Variants in MAGI1 observed in about 807,000 individuals in gnomAD.
MAGI1 encodes the protein membrane associated guanylate kinase, WW and PDZ domain containing 1.
In MAGI1, 58 loss-of-function variants were observed where a neutral mutation model predicts 139.9. That is an observed-to-expected ratio of 0.41 (90% CI 0.34 to 0.52). MAGI1 has a LOEUF of 0.52. MAGI1 is among the 20% of genes least tolerant of loss of function. The pLI, the probability that MAGI1 is intolerant of heterozygous loss-of-function variation, is 0.12. For synonymous variants in MAGI1, 812 were observed against 737.9 expected (o/e 1.10, Z -1.63); for missense variants, 1,874 against 1,901.6 (o/e 0.99, Z 0.27).
intron 1 of MAGI1, among the ~76,000 whole-genome samples, chr3:65,730,416 A>C (rs903598137): frequency 6.6e-6 from 1 of 152,216 alleles, no homozygotes; most frequent in Non-Finnish European, 1.5e-5. Flanking sequence ...AGCAGGAAGC[A>C]GGAGACAGGG....
chr3:65,714,053 C>CT (rs2031876057), intron 1 of MAGI1, among the ~76,000 whole-genome samples: 1 of 152,198 alleles, frequency 6.6e-6, no homozygotes, highest in Non-Finnish European at 1.5e-5. Flanking sequence ...TGCTTGAACT[C>CT]TTTAAGTCTT....
At chr3:65,446,580 C>T (rs992416798) in intron 7 of MAGI1, among the ~76,000 whole-genome samples, 1 of 152,168 alleles carries the variant, frequency 6.6e-6, no homozygotes, top group Admixed American at 6.5e-5. Flanking sequence ...CACTGGCTGC[C>T]AGCAGACAGC....
Position 65,363,483 on chromosome 3 carries a change from C to T in MAGI1, c.3477G>A (p.Glu1159=), listed in dbSNP as rs758804981. Residue 1159 remains glutamate, a synonymous_variant, in exon 21 of 23, where the codon GAG becomes GAA. Transcript: ENST00000402939. ...VLRLAEDGPA[E]RCGKMRIGDE... ...CACTTACCCTCATCTTTCCACACCT[C>T]TCCGCAGGACCGTCCTCTGCTAAGC... The T allele has an allele frequency of 2.5e-6, 4 of 1,612,270 alleles. No homozygotes were observed. The highest frequency in any genetic ancestry group is 3.4e-6 in the Non-Finnish European group (4 of 1,179,214).
chr3:65,756,724 T>C (rs1293719948), intron 1 of MAGI1, among the ~76,000 whole-genome samples: 1 of 152,160 alleles, frequency 6.6e-6, no homozygotes, highest in Non-Finnish European at 1.5e-5. Flanking sequence ...CCAGATGACA[T>C]ATTCGGAAGT....
chr3:65,661,993 TGCCTCA>T (rs1262927680), intron 1 of MAGI1, among the ~76,000 whole-genome samples: 3 of 151,984 alleles, frequency 2.0e-5, no homozygotes, highest in Non-Finnish European at 4.4e-5. Flanking sequence ...GTGATCCACC[TGCCTCA>T]GCCTCCCAAA....
chr3:65,470,154 C>T, intron 5 of MAGI1, 129 bp downstream of exon 5: 2 of 617,652 alleles, frequency 3.2e-6, no homozygotes, highest in South Asian at 2.2e-5. Context: ...CTTATTAAAC[C>T]TTATTAAAAA....
At chr3:65,930,605 G>A (rs1244223208) in intron 1 of MAGI1, among the ~76,000 whole-genome samples, 1 of 152,090 alleles carries the variant, frequency 6.6e-6, no homozygotes, top group Non-Finnish European at 1.5e-5. Flanking sequence ...TTCCCAGGAG[G>A]TTGGGCATTC....
At chr3:65,976,023 C>T (rs758697645) in intron 1 of MAGI1, among the ~76,000 whole-genome samples, 1 of 152,156 alleles carries the variant, frequency 6.6e-6, no homozygotes, top group Admixed American at 6.5e-5. Flanking sequence ...TTATTTATGG[C>T]TTCATCCTAG....
At chr3:65,661,185 G>A (rs2086171103) in intron 1 of MAGI1, among the ~76,000 whole-genome samples, 1 of 152,142 alleles carries the variant, frequency 6.6e-6, no homozygotes, top group Non-Finnish European at 1.5e-5. Flanking sequence ...TATGTCCCCT[G>A]GGGGTAGAAT....
At chr3:65,891,888 AT>A (rs1559983594) in intron 1 of MAGI1, among the ~76,000 whole-genome samples, 157 of 806 alleles carry the variant, frequency 0.19, 7 homozygotes, top group African/African-American at 0.32. Context: ...AAAGTATAAT[AT>A]ATATATATAT....
chr3:65,955,112 G>A (rs1028467445), intron 1 of MAGI1, among the ~76,000 whole-genome samples: 1 of 152,102 alleles, frequency 6.6e-6, no homozygotes, highest in Non-Finnish European at 1.5e-5. Flanking sequence ...GAGAGACAGA[G>A]ACAGAAAGAG....
intron 2 of MAGI1, among the ~76,000 whole-genome samples, chr3:65,501,458 A>AG (rs2077077806): frequency 6.6e-6 from 1 of 151,244 alleles, no homozygotes; most frequent in Non-Finnish European, 1.5e-5. Flanking sequence ...TGTCTCAAAA[A>AG]AAAAAAAAAA....
intron 1 of MAGI1, among the ~76,000 whole-genome samples, chr3:66,025,663 T>A (rs1576504280): frequency 6.6e-6 from 1 of 152,266 alleles, no homozygotes; most frequent in African/African-American, 2.4e-5. Context: ...AGCCCCCCCA[T>A]CTTCAAAAGT....
At chr3:65,918,783 T>C (rs1205337740) in intron 1 of MAGI1, among the ~76,000 whole-genome samples, 2 of 152,170 alleles carry the variant, frequency 1.3e-5, no homozygotes, top group African/African-American at 4.8e-5. Context: ...TTGCTTAAAT[T>C]CAAAGAATTT....
At chr3:65,699,157 C>T (rs376342586) in intron 1 of MAGI1, among the ~76,000 whole-genome samples, 1 of 103,330 alleles carries the variant, frequency 9.7e-6, no homozygotes, top group Non-Finnish European at 1.9e-5. Flanking sequence ...CAGAGAAATG[C>T]AAATCAAAAC....
intron 2 of MAGI1, among the ~76,000 whole-genome samples, chr3:65,617,265 T>C (rs972554694): frequency 4.6e-5 from 7 of 152,138 alleles, no homozygotes; most frequent in African/African-American, 1.7e-4. Flanking sequence ...CTCTTTTAGG[T>C]GACCTTTGCT....
intron 1 of MAGI1, among the ~76,000 whole-genome samples, chr3:65,996,540 AGGGG>A (rs55913122): frequency 4.0e-4 from 50 of 126,484 alleles, no homozygotes; most frequent in South Asian, 1.7e-3. Context: ...TGAAAAACTA[AGGGG>A]GGGGGGGGGG....
At chr3:65,800,544 T>C (rs1015692075) in intron 1 of MAGI1, among the ~76,000 whole-genome samples, 2 of 152,014 alleles carry the variant, frequency 1.3e-5, no homozygotes, top group Non-Finnish European at 2.9e-5. Flanking sequence ...GAACAGGTGC[T>C]TGGAAGGGCA....
At chr3:65,418,641 C>A (rs1200492582) in intron 12 of MAGI1, among the ~76,000 whole-genome samples, 2 of 152,166 alleles carry the variant, frequency 1.3e-5, no homozygotes, top group Non-Finnish European at 2.9e-5. Flanking sequence ...TTCTTCCTGT[C>A]TTTTGAGTCA....
Sources: gnomAD v4.1 joint callset for allele counts (sites outside exome capture counted in the v4.1 genomes callset) on GRCh38, gnomAD v4.1.1 for gene constraint, MANE v1.5 for transcripts, NCBI Gene and HGNC (gene_info 2026-07-23, HGNC 2026-07-21) for gene names.